The following JPT1 variants were observed in gnomAD, a reference collection of about 807,000 sequenced individuals.
JPT1 encodes the protein androgen-regulated protein 2.
In JPT1, 5 loss-of-function variants were observed where a neutral mutation model predicts 17.0. That is an observed-to-expected ratio of 0.29 (90% CI 0.15 to 0.62). The LOEUF (loss-of-function observed/expected upper bound fraction) is 0.62. JPT1 is among the 20% of genes least tolerant of loss of function. The pLI is 0.85. For missense variants in JPT1, 158 were observed against 188.1 expected (o/e 0.84, Z 0.94); for synonymous variants, 71 against 73.6 (o/e 0.96, Z 0.18).
intron 4 of JPT1, among the ~76,000 whole-genome samples, chr17:75,143,114 G>A (rs1421539541): frequency 6.6e-6 from 1 of 152,190 alleles, no homozygotes; most frequent in Non-Finnish European, 1.5e-5. Context: ...TACCCTGGAG[G>A]AGGGAATGCT....
At chr17:75,153,422 G>A (rs2074583950) in intron 1 of JPT1, 1 of 152,200 alleles carries the variant, frequency 6.6e-6, no homozygotes, top group Admixed American at 6.5e-5. Flanking sequence ...TAGAGACAAT[G>A]GATGTCTCCG....
intron 2 of JPT1, 32 bp downstream of exon 2, chr17:75,148,497 C>CT: frequency 6.2e-7 from 1 of 1,612,768 alleles, no homozygotes; most frequent in Non-Finnish European, 8.5e-7. Context: ...GGGCCCATCC[C>CT]TTTGAACAGT....
At chr17:75,151,555 C>A (rs530962300) in intron 1 of JPT1, among the ~76,000 whole-genome samples, 8 of 151,970 alleles carry the variant, frequency 5.3e-5, no homozygotes, top group Non-Finnish European at 1.0e-4. Context: ...ATTCAGGAGG[C>A]TGAGGCAGAG....
At chr17:75,147,774 A>T in intron 2 of JPT1, 121 bp from the exon 3 acceptor site, 1 of 696,108 alleles carries the variant, frequency 1.4e-6, no homozygotes. Flanking sequence ...CGAGGCGGGC[A>T]GATCACCTGA....
At chr17:75,149,619 G>A (rs967802404) in intron 1 of JPT1, among the ~76,000 whole-genome samples, 7 of 151,578 alleles carry the variant, frequency 4.6e-5, no homozygotes, top group African/African-American at 7.3e-5. Flanking sequence ...CACTCACCTC[G>A]GCCTCCCAAA....
rs1355277682 is a variant in JPT1 at position 75,135,861 on chromosome 17, T to G, written c.*241A>C. 2 of 744,184 alleles carry G rather than the reference T, an allele frequency of 2.7e-6. No individual in the cohort carries two copies. The highest frequency in any genetic ancestry group is 3.6e-5 in the African/African-American group (2 of 55,976). The allele number at this position is 744,184 out of a possible 1,614,324, so 46.1% of individuals were successfully genotyped here. On this transcript the variant is annotated 3_prime_UTR_variant, in exon 5 of 5. Transcript: ENST00000409753. ...TTATTTCTTCTTAAAAACACAGTAC[T>G]AAGTGTCACAAAGCTTTCCCTCCAA...
intron 4 of JPT1, among the ~76,000 whole-genome samples, chr17:75,140,697 TCA>T (rs2074291345): frequency 6.6e-6 from 1 of 152,186 alleles, no homozygotes; most frequent in Non-Finnish European, 1.5e-5. Context: ...GCACAGCGGC[TCA>T]CACCTGTAAT....
chr17:75,147,801 C>T (rs1423058786), intron 2 of JPT1, 148 bp from the exon 3 acceptor site: 1 of 602,152 alleles, frequency 1.7e-6, no homozygotes, highest in Non-Finnish European at 3.0e-6. Context: ...GAGTTCAAGA[C>T]CAGCCTGGCC....
Position 75,136,253 on chromosome 17 carries a change from A to G in JPT1, c.317-3T>C, listed in dbSNP as rs369415997. The G allele has an allele frequency of 1.0e-5, 16 of 1,574,384 alleles. No homozygotes were observed. The African/African-American group carries it at 1.8e-4, about 17-fold the overall frequency. ...TGGCAAGTCTGTGTCCACATTTTCTATGAAAACAGGGAATAGAAATAATAC... is the reference window on the plus strand; with the variant it reads ...TGGCAAGTCTGTGTCCACATTTTCTGTGAAAACAGGGAATAGAAATAATAC... On this transcript the variant is annotated splice_region_variant and splice_polypyrimidine_tract_variant and intron_variant, in intron 4 of 4. Coordinates refer to ENST00000409753, the MANE Select transcript of JPT1 (RefSeq NM_016185.4).
chr17:75,147,057 C>T (rs2074453029), intron 3 of JPT1, among the ~76,000 whole-genome samples: 1 of 152,116 alleles, frequency 6.6e-6, no homozygotes, highest in African/African-American at 2.4e-5. Context: ...GGACCCCTAT[C>T]AGTTCCAAAG....
chr17:75,135,503 A>C lies in JPT1; in HGVS notation c.*599T>G, dbSNP rs1418959020. 1 of 152,414 alleles carries C rather than the reference A, an allele frequency of 6.6e-6. No individual in the cohort carries two copies. Among genetic ancestry groups the C allele is most frequent in the African/African-American group, 2.4e-5 (1 of 41,448 alleles). 9.4% of individuals were successfully genotyped at this position (152,414 alleles called of 1,614,324 possible). A position where few individuals can be genotyped will look rare whatever the true frequency, so the allele number is the denominator to read the frequency against. ...CCAAGCCTTCCTCTGCGTGAGAGCA[A>C]AGGCTTTGCTCATCAGCCAGCCAGT... On this transcript the variant is annotated 3_prime_UTR_variant, in exon 5 of 5. Coordinates refer to ENST00000409753, the MANE Select transcript of JPT1 (RefSeq NM_016185.4).
intron 1 of JPT1, among the ~76,000 whole-genome samples, chr17:75,152,500 C>T (rs552229344): frequency 1.3e-5 from 2 of 152,024 alleles, no homozygotes; most frequent in South Asian, 4.2e-4. Flanking sequence ...TACTACAGTC[C>T]CTAGAGCATA....
chr17:75,147,674 T>A (rs750281807), intron 2 of JPT1, 21 bp from the exon 3 acceptor site: 1 of 1,576,050 alleles, frequency 6.3e-7, no homozygotes, highest in Non-Finnish European at 8.7e-7. Context: ...AAATATACTT[T>A]CTTCAGAAAT....
intron 1 of JPT1, chr17:75,148,997 T>C: frequency 7.1e-6 from 9 of 1,272,432 alleles, no homozygotes; most frequent in Non-Finnish European, 9.1e-6. Flanking sequence ...GACCTTACTC[T>C]ACTGGGCTTG....
At chr17:75,143,272 A>T (rs11655444) in intron 4 of JPT1, among the ~76,000 whole-genome samples, 37,531 of 152,216 alleles carry the variant, frequency 0.25, 6,052 homozygotes, top group East Asian at 0.66. Context: ...ATAAAAAACC[A>T]AAAGGGGCCA....
At chr17:75,137,685 CTTTTT>C (rs60118585) in intron 4 of JPT1, among the ~76,000 whole-genome samples, 1 of 112,844 alleles carries the variant, frequency 8.9e-6, no homozygotes, top group African/African-American at 4.8e-5. Flanking sequence ...CCTAGTTTTC[CTTTTT>C]TTTTTTTTTT....
At chr17:75,146,387 A>C in intron 4 of JPT1, 1 of 310,818 alleles carries the variant, frequency 3.2e-6, no homozygotes, top group Non-Finnish European at 5.9e-6. Flanking sequence ...TCCTGGGCTC[A>C]AGCAATCTGC....
intron 1 of JPT1, among the ~76,000 whole-genome samples, chr17:75,149,905 T>C (rs2074515024): frequency 1.6e-5 from 2 of 123,630 alleles, no homozygotes; most frequent in African/African-American, 5.0e-5. Context: ...TTGACCAATT[T>C]AGAAGCCCAA....
chr17:75,153,784 C>T (rs542334051), intron 1 of JPT1: 2 of 151,994 alleles, frequency 1.3e-5, no homozygotes, highest in East Asian at 3.9e-4. Context: ...CAGGTAGGTC[C>T]GAATAAGGAG....
Sources: gnomAD v4.1 joint callset for allele counts (sites outside exome capture counted in the v4.1 genomes callset) on GRCh38, gnomAD v4.1.1 for gene constraint, MANE v1.5 for transcripts, NCBI Gene and HGNC (gene_info 2026-07-23, HGNC 2026-07-21) for gene names.